FNDC3B: variants seen among roughly 807,000 people sequenced by gnomAD.
FNDC3B encodes fibronectin type III domain containing 3B.
FNDC3B carries 12 observed loss-of-function variants against 151.5 expected under a neutral mutation model. That is an observed-to-expected ratio of 0.08 (90% CI 0.05 to 0.13). The LOEUF is 0.13. Among genes scored for constraint, FNDC3B ranks in the 10% least tolerant of loss-of-function variants. FNDC3B has a pLI of 1.00. For missense variants in FNDC3B, 1,214 were observed against 1,505.3 expected (o/e 0.81, Z 3.20); for synonymous variants, 528 against 549.0 (o/e 0.96, Z 0.54).
intron 23 of FNDC3B, among the ~76,000 whole-genome samples, chr3:172,370,245 A>AT (rs531391816): frequency 7.9e-5 from 12 of 152,052 alleles, no homozygotes; most frequent in Admixed American, 3.9e-4. Context: ...GCATTCTTGG[A>AT]TTTTTTTTCA....
In FNDC3B at chr3:172,226,940, T is replaced by C. The variant is rs745380346; in HGVS notation, c.257T>C (p.Ile86Thr). ...IPPIHVPPGYISQVIEDSTGV... is the reference protein window; with the variant it reads ...IPPIHVPPGYTSQVIEDSTGV... ...CCCATTCATGTGCCTCCAGGTTATA[T>C]CTCACAGGTAATCCATTTGATGGAC... Residue 86 changes from isoleucine to threonine, a missense_variant, in exon 4 of 26, where the codon ATC (isoleucine) becomes ACC (threonine). Around this residue, in one of 7 missense-constraint regions of FNDC3B, gnomAD observed 113 missense variants for 177.8 expected, o/e 0.64. Coordinates refer to ENST00000415807, the MANE Select transcript of FNDC3B (RefSeq NM_022763.4). 6.2e-7 allele frequency: 1 copy of C among 1,602,502 alleles called. No homozygotes were observed.
chr3:172,355,937 G>T (rs1734074757), intron 22 of FNDC3B, among the ~76,000 whole-genome samples: 3 of 152,196 alleles, frequency 2.0e-5, no homozygotes, highest in Non-Finnish European at 4.4e-5. Flanking sequence ...TCCATACTGA[G>T]CAGTTAGTGA....
Position 172,381,066 on chromosome 3 carries a change from G to A in FNDC3B, c.3276G>A (p.Leu1092=), listed in dbSNP as rs755600157. 26 of 1,613,594 alleles carry A rather than the reference G, an allele frequency of 1.6e-5. No homozygotes were observed. The highest frequency in any genetic ancestry group is 2.0e-5 in the Non-Finnish European group (24 of 1,179,700). ...CTGTTAACTACATTCTGCAGGTATTGGTTGGAAGAGAATCTGAGTACAAAC... is the reference window on the plus strand; with the variant it reads ...CTGTTAACTACATTCTGCAGGTATTAGTTGGAAGAGAATCTGAGTACAAAC... ...GDPVNYILQV[L]VGRESEYKQV... Residue 1092 remains leucine, a synonymous_variant, in exon 25 of 26, where the codon TTG becomes TTA. Transcript: ENST00000415807.
At chr3:172,326,962 G>A (rs1371622547) in intron 11 of FNDC3B, among the ~76,000 whole-genome samples, 1 of 152,162 alleles carries the variant, frequency 6.6e-6, no homozygotes, top group South Asian at 2.1e-4. Context: ...TTCTTGCACT[G>A]CTTACTCTGA....
intron 1 of FNDC3B, among the ~76,000 whole-genome samples, chr3:172,094,739 C>G (rs1369845801): frequency 6.6e-6 from 1 of 151,550 alleles, no homozygotes; most frequent in African/African-American, 2.4e-5. Flanking sequence ...GAATGACTCC[C>G]CTCACAGTGC....
intron 7 of FNDC3B, among the ~76,000 whole-genome samples, chr3:172,290,797 C>A (rs2108833959): frequency 6.6e-6 from 1 of 152,282 alleles, no homozygotes; most frequent in South Asian, 2.1e-4. Flanking sequence ...TTTCAGTATC[C>A]TTTTTCTTTA....
chr3:172,242,512 A>G (rs1355242251), intron 4 of FNDC3B, among the ~76,000 whole-genome samples: 7 of 152,196 alleles, frequency 4.6e-5, no homozygotes, highest in East Asian at 1.9e-4. Context: ...TCAACGCCAC[A>G]TGGAAGCTAC....
At chr3:172,052,544 C>T (rs1446222126) in intron 1 of FNDC3B, among the ~76,000 whole-genome samples, 2 of 152,288 alleles carry the variant, frequency 1.3e-5, no homozygotes, top group East Asian at 3.9e-4. Flanking sequence ...GGTCAAAGAG[C>T]ATGCCTTGGA....
intron 23 of FNDC3B, among the ~76,000 whole-genome samples, chr3:172,369,617 A>C (rs1560103420): frequency 1.3e-5 from 2 of 152,172 alleles, no homozygotes; most frequent in Non-Finnish European, 2.9e-5. Context: ...AAGCCAAAAA[A>C]GGTCCATATA....
chr3:172,310,126 A>G (rs1731392898), intron 10 of FNDC3B, among the ~76,000 whole-genome samples: 2 of 152,200 alleles, frequency 1.3e-5, no homozygotes, highest in Non-Finnish European at 2.9e-5. Flanking sequence ...CCACTGCGGC[A>G]TCACCTGTAG....
intron 6 of FNDC3B, among the ~76,000 whole-genome samples, chr3:172,282,035 G>A (rs1193912994): frequency 2.0e-5 from 3 of 152,046 alleles, no homozygotes; most frequent in Non-Finnish European, 4.4e-5. Context: ...AGTGTACTTC[G>A]AGGCACGCTT....
chr3:172,059,856 A>T (rs6763687), intron 1 of FNDC3B, among the ~76,000 whole-genome samples: 83,206 of 151,986 alleles, frequency 0.55, 23,033 homozygotes, highest in Admixed American at 0.6. Flanking sequence ...CTTTTAGGTA[A>T]ATAGAGGGCA....
chr3:172,174,939 C>CCCA (rs1723491897), intron 3 of FNDC3B, among the ~76,000 whole-genome samples: 1 of 59,794 alleles, frequency 1.7e-5, no homozygotes, highest in African/African-American at 4.6e-5. Flanking sequence ...CGCCACCCCC[C>CCCA]CCCCCCCAAT....
At chr3:172,312,865 G>A (rs1180167747) in intron 11 of FNDC3B, among the ~76,000 whole-genome samples, 7 of 152,110 alleles carry the variant, frequency 4.6e-5, no homozygotes, top group Admixed American at 2.6e-4. Context: ...TGAGAGTGTC[G>A]TAGCTGATGA....
intron 3 of FNDC3B, among the ~76,000 whole-genome samples, chr3:172,155,021 G>C (rs1722415785): frequency 6.6e-6 from 1 of 152,014 alleles, no homozygotes; most frequent in African/African-American, 2.4e-5. Flanking sequence ...GTCACTGGGG[G>C]GCGGCAGTAG....
At chr3:172,220,808 C>G (rs1249064932) in intron 3 of FNDC3B, among the ~76,000 whole-genome samples, 1 of 152,062 alleles carries the variant, frequency 6.6e-6, no homozygotes, top group East Asian at 1.9e-4. Context: ...AATAAATCTT[C>G]CATGGCTGGG....
At chr3:172,113,537 A>G (rs1720087682) in intron 2 of FNDC3B, among the ~76,000 whole-genome samples, 1 of 152,210 alleles carries the variant, frequency 6.6e-6, no homozygotes, top group Non-Finnish European at 1.5e-5. Context: ...CCTCTTAAGA[A>G]CAAAAAATAT....
intron 6 of FNDC3B, among the ~76,000 whole-genome samples, chr3:172,284,373 C>T (rs531164263): frequency 6.6e-5 from 10 of 152,228 alleles, no homozygotes; most frequent in South Asian, 2.1e-4. Flanking sequence ...TTGCCTACTC[C>T]GGACCCTGTG....
intron 10 of FNDC3B, among the ~76,000 whole-genome samples, chr3:172,309,845 G>T (rs938971504): frequency 2.0e-5 from 3 of 152,130 alleles, no homozygotes; most frequent in African/African-American, 7.2e-5. Context: ...GAAATTAGTT[G>T]TTGATATTGA....
Sources: allele counts gnomAD v4.1 joint callset (sites outside exome capture counted in the v4.1 genomes callset), GRCh38; gene constraint gnomAD v4.1.1; regional missense constraint gnomAD v4.1.1; transcripts MANE v1.5; gene names NCBI Gene and HGNC (gene_info 2026-07-23, HGNC 2026-07-21).